The following CNTN5 variants were observed in gnomAD, a reference collection of about 807,000 sequenced individuals.
The protein encoded by CNTN5 is contactin-5.
CNTN5 carries 77 observed loss-of-function variants against 129.1 expected under a neutral mutation model. That is an observed-to-expected ratio of 0.60 (90% CI 0.50 to 0.72). CNTN5 has a LOEUF of 0.72. Among genes scored for constraint, CNTN5 ranks in the 30% least tolerant of loss-of-function variants. The pLI is 0.00. For synonymous variants in CNTN5, 509 were observed against 465.6 expected (o/e 1.09, Z -1.20); for missense variants, 1,478 against 1,328.8 (o/e 1.11, Z -1.75).
At chr11:99,449,991 T>C (rs967842370) in intron 2 of CNTN5, among the ~76,000 whole-genome samples, 1 of 152,154 alleles carries the variant, frequency 6.6e-6, no homozygotes, top group Non-Finnish European at 1.5e-5. Flanking sequence ...AAACCCTTAA[T>C]ATTTTTTTGA....
At chr11:99,820,557 G>A (rs999334076) in intron 4 of CNTN5, among the ~76,000 whole-genome samples, 9 of 152,396 alleles carry the variant, frequency 5.9e-5, no homozygotes, top group Non-Finnish European at 1.0e-4. Context: ...TGGATCCATC[G>A]ACAAAATAAT....
At chr11:99,140,140 G>A (rs1053801101) in intron 1 of CNTN5, among the ~76,000 whole-genome samples, 7 of 152,024 alleles carry the variant, frequency 4.6e-5, no homozygotes, top group African/African-American at 1.7e-4. Flanking sequence ...AATACATATA[G>A]AATTTAATAT....
At chr11:99,859,302 A>C (rs1464796659) in intron 6 of CNTN5, among the ~76,000 whole-genome samples, 1 of 152,188 alleles carries the variant, frequency 6.6e-6, no homozygotes, top group Non-Finnish European at 1.5e-5. Flanking sequence ...AATATATCTG[A>C]TGTACATATG....
At chr11:100,166,037 A>G (rs1947622292) in intron 13 of CNTN5, among the ~76,000 whole-genome samples, 1 of 151,690 alleles carries the variant, frequency 6.6e-6, no homozygotes, top group Non-Finnish European at 1.5e-5. Flanking sequence ...TTTACCTTCT[A>G]AATGATTGGT....
chr11:99,246,261 T>C (rs941928663), intron 1 of CNTN5, among the ~76,000 whole-genome samples: 1 of 152,088 alleles, frequency 6.6e-6, no homozygotes, highest in African/African-American at 2.4e-5. Context: ...TTATTCATCA[T>C]CATTATAAAC....
At chr11:100,086,370 G>T (rs1944554889) in intron 13 of CNTN5, among the ~76,000 whole-genome samples, 3 of 150,092 alleles carry the variant, frequency 2.0e-5, no homozygotes, top group South Asian at 2.1e-4. Context: ...GAAACTTCTG[G>T]TATCAAAACA....
At chr11:99,942,888 T>A (rs1163187629) in intron 7 of CNTN5, among the ~76,000 whole-genome samples, 2 of 152,100 alleles carry the variant, frequency 1.3e-5, no homozygotes. Context: ...TAGTATTCCA[T>A]ATGTACCACA....
intron 2 of CNTN5, among the ~76,000 whole-genome samples, chr11:99,438,532 A>C (rs564462453): frequency 1.3e-5 from 2 of 151,848 alleles, no homozygotes; most frequent in Non-Finnish European, 2.9e-5. Context: ...CTATCTCTTT[A>C]TCTCTTCATA....
chr11:99,475,521 G>C (rs963300380), intron 2 of CNTN5, among the ~76,000 whole-genome samples: 2 of 151,930 alleles, frequency 1.3e-5, no homozygotes, highest in African/African-American at 4.8e-5. Flanking sequence ...CTGTTATATA[G>C]CTTACACTGT....
At chr11:99,269,807 A>G (rs888639343) in intron 1 of CNTN5, among the ~76,000 whole-genome samples, 2 of 151,908 alleles carry the variant, frequency 1.3e-5, no homozygotes, top group African/African-American at 4.8e-5. Flanking sequence ...TCTTAGAGGA[A>G]AACAATCCCA....
chr11:100,213,094 A>G, intron 15 of CNTN5, among the ~76,000 whole-genome samples: 1 of 152,152 alleles, frequency 6.6e-6, no homozygotes, highest in Non-Finnish European at 1.5e-5. Flanking sequence ...AAAAGCAACG[A>G]TAAGCTTATA....
chr11:100,310,678 G>GA lies in CNTN5; in HGVS notation c.2730+2216dup, dbSNP rs1286342297. 6.2e-5 allele frequency among the ~76,000 whole-genome samples: 9 copies of GA among 144,516 alleles called. No individual in the cohort carries two copies. In the South Asian group the frequency reaches 6.7e-4, roughly 11 times the overall value. 94.8% of individuals were successfully genotyped at this position (144,516 alleles called of 152,430 possible). ...TTCAGTTGATGATACAGACTATGTA[G>GA]AAAAAATAGGGCAAGAAGGTAAAGA... On this transcript the variant is annotated intron_variant, in intron 21 of 24. Coordinates refer to ENST00000524871, the MANE Select transcript of CNTN5 (RefSeq NM_014361.4).
At chr11:99,213,563 C>G (rs1032740682) in intron 1 of CNTN5, among the ~76,000 whole-genome samples, 2 of 150,352 alleles carry the variant, frequency 1.3e-5, no homozygotes, top group African/African-American at 4.9e-5. Flanking sequence ...TGAGAGTAGA[C>G]TTGTAGTCAT....
chr11:99,385,467 A>T (rs1050548719), intron 2 of CNTN5, among the ~76,000 whole-genome samples: 1 of 152,220 alleles, frequency 6.6e-6, no homozygotes, highest in Non-Finnish European at 1.5e-5. Flanking sequence ...TTTTATTCAT[A>T]AACCAGTAAT....
chr11:99,598,444 T>C lies in CNTN5; in HGVS notation c.55+42175T>C, dbSNP rs112657474. On this transcript the variant is annotated intron_variant, in intron 3 of 24. Transcript: ENST00000524871. The stretch of plus-strand genomic sequence containing the variant: ...TTCCTTCCTCCCTCCCTCCCTCCCT[T>C]CCTTCCTTCCTTCCTTTTTCCCTTC... Among the ~76,000 whole-genome samples, 92 of 126,232 alleles carry C rather than the reference T, an allele frequency of 7.3e-4. 1 individual carries two copies. Among genetic ancestry groups the C allele is most frequent in the African/African-American group, 2.8e-3 (86 of 30,566 alleles). The allele number at this position is 126,232 out of a possible 152,430, so 82.8% of individuals were successfully genotyped here.
intron 1 of CNTN5, among the ~76,000 whole-genome samples, chr11:99,114,787 T>C (rs1158662283): frequency 1.3e-5 from 2 of 152,160 alleles, no homozygotes; most frequent in African/African-American, 2.4e-5. Flanking sequence ...AGACCCTATA[T>C]GAGAGGTTGT....
intron 2 of CNTN5, among the ~76,000 whole-genome samples, chr11:99,371,859 C>T (rs1387198246): frequency 6.6e-6 from 1 of 152,160 alleles, no homozygotes; most frequent in African/African-American, 2.4e-5. Context: ...GTCATTTTCC[C>T]TTTAGACAGC....
intron 2 of CNTN5, among the ~76,000 whole-genome samples, chr11:99,495,095 C>T (rs148437317): frequency 0.013 from 1,964 of 152,234 alleles, 44 homozygotes; most frequent in African/African-American, 0.043. Context: ...CCCTGCTGGG[C>T]GTGGTGGCTC....
chr11:99,246,501 T>C (rs1239182072), intron 1 of CNTN5, among the ~76,000 whole-genome samples: 1 of 152,174 alleles, frequency 6.6e-6, no homozygotes, highest in South Asian at 2.1e-4. Context: ...GCGCAAGTTA[T>C]ACAGGTCACA....
Sources: allele counts gnomAD v4.1 joint callset (sites outside exome capture counted in the v4.1 genomes callset), GRCh38; gene constraint gnomAD v4.1.1; transcripts MANE v1.5; gene names NCBI Gene and HGNC (gene_info 2026-07-23, HGNC 2026-07-21).